The following IQCJ variants were observed in gnomAD, a reference collection of about 807,000 sequenced individuals.
IQCJ encodes the protein IQ domain-containing protein J.
In IQCJ, 9 loss-of-function variants were observed where a neutral mutation model predicts 11.0. The ratio of observed to expected loss-of-function variants is 0.82; its 90% confidence interval spans 0.49 to 1.43. IQCJ has a LOEUF of 1.43. IQCJ is among the 40% of genes most tolerant of loss of function. The pLI, the probability that IQCJ is intolerant of heterozygous loss-of-function variation, is 0.00. For synonymous variants in IQCJ, 55 were observed against 51.3 expected, an observed-to-expected ratio of 1.07 and a Z score of -0.31; for missense variants, 146 against 133.2, an observed-to-expected ratio of 1.10 and a Z score of -0.47.
Position 159,129,035 on chromosome 3 carries a change from C to T in IQCJ, c.9+59594C>T, listed in dbSNP as rs188826231. On this transcript the variant is annotated intron_variant, in intron 1 of 3. Transcript: ENST00000397832. ...CAACCACGCATACCAACTCATCACA[C>T]GTTCAACAACAACAATAACAACAAA... Among the ~76,000 whole-genome samples the T allele has an allele frequency of 2.8e-4, 42 of 152,204 alleles. No homozygotes were observed. In the East Asian group the frequency reaches 6.6e-3, roughly 24 times the overall value.
Position 159,200,104 on chromosome 3 carries a change from A to AATAAATATATAT in IQCJ, c.10-45736_10-45735insAATATATATATA, listed in dbSNP as rs1553787480. 1.3e-3 allele frequency among the ~76,000 whole-genome samples: 149 copies of AATAAATATATAT among 116,946 alleles called. 8 individuals are homozygous for AATAAATATATAT. The highest frequency in any genetic ancestry group is 5.1e-3 in the African/African-American group (135 of 26,388). The allele number at this position is 116,946 out of a possible 152,430, so 76.7% of individuals were successfully genotyped here. On this transcript the variant is annotated intron_variant, in intron 1 of 3. Transcript: ENST00000397832. Reference sequence around the variant, plus strand: ...ATATGTATGTATGTGTTTATACATAAATATATATATATATATCACTTTGAA... The same window carrying AATAAATATATAT: ...ATATGTATGTATGTGTTTATACATAAATAAATATATATATATATATATATATATCACTTTGAA...
At chr3:159,237,055 A>G (rs1726636807) in intron 1 of IQCJ, among the ~76,000 whole-genome samples, 1 of 152,160 alleles carries the variant, frequency 6.6e-6, no homozygotes, top group Admixed American at 6.5e-5. Flanking sequence ...CAGTGAAGTA[A>G]ATTGCAGATT....
intron 1 of IQCJ, among the ~76,000 whole-genome samples, chr3:159,157,735 A>T (rs1284925495): frequency 6.6e-6 from 1 of 152,220 alleles, no homozygotes; most frequent in South Asian, 2.1e-4. Context: ...ATAATTTCTC[A>T]TATATCCTTC....
intron 1 of IQCJ, among the ~76,000 whole-genome samples, chr3:159,108,439 A>G (rs757807904): frequency 1.3e-5 from 2 of 152,192 alleles, no homozygotes; most frequent in South Asian, 4.1e-4. Flanking sequence ...GTGTTTTGTC[A>G]TCTTAGGTAT....
intron 1 of IQCJ, among the ~76,000 whole-genome samples, chr3:159,203,662 G>T (rs1439247757): frequency 6.6e-6 from 1 of 152,110 alleles, no homozygotes; most frequent in African/African-American, 2.4e-5. Flanking sequence ...GTGTGTGTGT[G>T]AGAGAGAGAA....
At chr3:159,216,411 G>A (rs762053501) in intron 1 of IQCJ, among the ~76,000 whole-genome samples, 1 of 152,104 alleles carries the variant, frequency 6.6e-6, no homozygotes, top group African/African-American at 2.4e-5. Context: ...CATGTAAATT[G>A]CTTAATGGCT....
At position 159,262,706 on chromosome 3, in the gene IQCJ, T is replaced by G. The variant is rs1198002958; in HGVS notation, c.314T>G (p.Leu105Arg). ...CCCGTGAGTGTCATGTTTCTTTTTC[T>G]ATGTCCTGACTTGACATTCAACTGA... ...STPVSVMFLFLCPDLTFN is the reference protein window; with the variant it reads ...STPVSVMFLFRCPDLTFN Residue 105 changes from leucine (L) to arginine (R), a missense_variant, in exon 4 of 4, where the codon CTA (leucine) becomes CGA (arginine). By Grantham distance (102) the Leu-to-Arg change is moderately radical. Transcript: ENST00000397832. 6.2e-7 allele frequency: 1 copy of G among 1,613,882 alleles called. No individual in the cohort carries two copies.
At chr3:159,151,677 C>T (rs1010590746) in intron 1 of IQCJ, among the ~76,000 whole-genome samples, 13 of 152,308 alleles carry the variant, frequency 8.5e-5, no homozygotes, top group African/African-American at 3.1e-4. Context: ...GCTCTGTCGC[C>T]CAGGCTGGAG....
At chr3:159,182,583 A>C (rs919337739) in intron 1 of IQCJ, among the ~76,000 whole-genome samples, 9 of 151,978 alleles carry the variant, frequency 5.9e-5, no homozygotes, top group African/African-American at 2.2e-4. Flanking sequence ...GTCCCTTTTA[A>C]GGGCTCACAA....
intron 1 of IQCJ, among the ~76,000 whole-genome samples, chr3:159,155,046 G>A (rs371998725): frequency 6.6e-6 from 1 of 152,072 alleles, no homozygotes; most frequent in Non-Finnish European, 1.5e-5. Flanking sequence ...TGAGACCCTG[G>A]TATGAAATGA....
chr3:159,111,430 A>G (rs1270516613), intron 1 of IQCJ, among the ~76,000 whole-genome samples: 3 of 152,104 alleles, frequency 2.0e-5, no homozygotes, highest in Non-Finnish European at 4.4e-5. Flanking sequence ...GTTGACCGGT[A>G]TTTCTCAAAC....
At chr3:159,259,362 C>T (rs1396647240) in intron 3 of IQCJ, among the ~76,000 whole-genome samples, 3 of 152,136 alleles carry the variant, frequency 2.0e-5, no homozygotes, top group African/African-American at 7.2e-5. Context: ...ACAACATGTG[C>T]TTTCTTACTT....
intron 2 of IQCJ, among the ~76,000 whole-genome samples, chr3:159,246,275 A>C (rs1407770365): frequency 6.6e-6 from 1 of 152,244 alleles, no homozygotes; most frequent in East Asian, 1.9e-4. Context: ...CTGAACATTC[A>C]AATTAACACT....
chr3:159,190,649 C>T (rs565690393), intron 1 of IQCJ, among the ~76,000 whole-genome samples: 1 of 152,158 alleles, frequency 6.6e-6, no homozygotes, highest in Non-Finnish European at 1.5e-5. Flanking sequence ...GAAGGGAGGT[C>T]AATGGAGTCA....
At chr3:159,082,556 G>A (rs935297138) in intron 1 of IQCJ, among the ~76,000 whole-genome samples, 5 of 152,016 alleles carry the variant, frequency 3.3e-5, no homozygotes, top group Non-Finnish European at 4.4e-5. Flanking sequence ...TGGCTTTGTA[G>A]TGGGGAAAAA....
Position 159,069,375 on chromosome 3 carries a change from A to G in IQCJ, c.-58A>G, listed in dbSNP as rs1715378849. The G allele has an allele frequency of 1.3e-6, 2 of 1,585,940 alleles. No individual in the cohort carries two copies. The highest frequency in any genetic ancestry group is 1.7e-6 in the Non-Finnish European group (2 of 1,169,198). ...TGCGCTCTGTGATTCTGAGGAATAC[A>G]GTGTGCCAGCATCCGATCCAGTCTC... On this transcript the variant is annotated 5_prime_UTR_variant, in exon 1 of 4. Coordinates refer to ENST00000397832, the MANE Select transcript of IQCJ (RefSeq NM_001042706.3).
At chr3:159,078,465 GT>G (rs1716090906) in intron 1 of IQCJ, among the ~76,000 whole-genome samples, 1 of 151,800 alleles carries the variant, frequency 6.6e-6, no homozygotes, top group Admixed American at 6.6e-5. Flanking sequence ...GGGATCTGAG[GT>G]TTGGAAAAGT....
chr3:159,143,427 A>G (rs1720742551), intron 1 of IQCJ, among the ~76,000 whole-genome samples: 1 of 152,062 alleles, frequency 6.6e-6, no homozygotes, highest in Admixed American at 6.6e-5. Context: ...CTCTTTCTTT[A>G]TCATTTAGTT....
chr3:159,092,629 C>T (rs1314513707), intron 1 of IQCJ, among the ~76,000 whole-genome samples: 10 of 150,246 alleles, frequency 6.7e-5, no homozygotes, highest in Admixed American at 4.6e-4. Context: ...ACCTGGGAGG[C>T]GGAGCTTGCA....
Sources: allele counts gnomAD v4.1 joint callset (sites outside exome capture counted in the v4.1 genomes callset), GRCh38; gene constraint gnomAD v4.1.1; transcripts MANE v1.5; gene names NCBI Gene and HGNC (gene_info 2026-07-23, HGNC 2026-07-21).